The following XRCC5 variants were observed in gnomAD, a reference collection of about 807,000 sequenced individuals.
XRCC5 encodes X-ray repair cross complementing 5, also known as DNA repair protein Ku80.
Under a neutral mutation model 95.7 loss-of-function variants are expected in XRCC5, and 12 were observed. The ratio of observed to expected loss-of-function variants is 0.13; its 90% CI spans 0.08 to 0.20. The LOEUF (loss-of-function observed/expected upper bound fraction) is 0.20, where lower values mean the gene tolerates loss of function less well. XRCC5 is among the 10% of genes least tolerant of loss of function. XRCC5 has a pLI of 1.00. For synonymous variants in XRCC5, 281 were observed against 290.3 expected (o/e 0.97, Z 0.33); for missense variants, 595 against 873.9 (o/e 0.68, Z 4.02).
intron 16 of XRCC5, among the ~76,000 whole-genome samples, chr2:216,173,217 C>CT (rs1258348378): frequency 9.9e-5 from 15 of 150,766 alleles, no homozygotes; most frequent in African/African-American, 2.7e-4. Context: ...GTTTTTCTTT[C>CT]TTTTTTTTTA....
chr2:216,200,249 G>A (rs1419044403), intron 19 of XRCC5, among the ~76,000 whole-genome samples: 1 of 152,142 alleles, frequency 6.6e-6, no homozygotes, highest in African/African-American at 2.4e-5. Flanking sequence ...TTTTTCAAGA[G>A]TACATCTGGT....
At chr2:216,176,861 G>A (rs1026720560) in intron 16 of XRCC5, among the ~76,000 whole-genome samples, 1 of 152,142 alleles carries the variant, frequency 6.6e-6, no homozygotes, top group African/African-American at 2.4e-5. Flanking sequence ...CTGCTAAGCA[G>A]TTTTTTAGCT....
At chr2:216,199,808 A>ATTTTTTTTTTTTT (rs879564899) in intron 19 of XRCC5, among the ~76,000 whole-genome samples, 2 of 121,890 alleles carry the variant, frequency 1.6e-5, no homozygotes, top group Non-Finnish European at 3.3e-5. Flanking sequence ...TGGCATTGGG[A>ATTTTTTTTTTTTT]TCTTTTTTTT....
At chr2:216,132,249 AT>A in intron 9 of XRCC5, 75 bp from the exon 10 acceptor site, 1 of 1,401,460 alleles carries the variant, frequency 7.1e-7, no homozygotes, top group Admixed American at 1.8e-5. Flanking sequence ...TTTGAATGGA[AT>A]TTCTTGGCAA....
At chr2:216,171,042 C>G (rs1689155826) in intron 16 of XRCC5, among the ~76,000 whole-genome samples, 1 of 152,192 alleles carries the variant, frequency 6.6e-6, no homozygotes, top group Admixed American at 6.5e-5. Flanking sequence ...CTGCTTTAAT[C>G]AATGACTTGA....
intron 1 of XRCC5, among the ~76,000 whole-genome samples, chr2:216,110,288 A>G (rs1484082835): frequency 6.6e-6 from 1 of 152,164 alleles, no homozygotes; most frequent in Admixed American, 6.5e-5. Flanking sequence ...TTGTCTCTGA[A>G]GGGTCACTAG....
rs1489869312 is a variant in XRCC5, at chr2:216,205,218, G to A, written c.*16G>A. The A allele has an allele frequency of 6.2e-7, 1 of 1,613,796 alleles. No homozygotes were observed. The highest frequency in any genetic ancestry group is 1.1e-5 in the South Asian group (1 of 91,078). On this transcript the variant is annotated 3_prime_UTR_variant, in exon 21 of 21. Transcript: ENST00000392132. ...CATGATATAGGTCGTGGATGTATGG[G>A]GAATCTAAGAGAGCTGCCATCGCTG...
At chr2:216,115,213 G>T (rs1696671013) in intron 2 of XRCC5, among the ~76,000 whole-genome samples, 1 of 152,092 alleles carries the variant, frequency 6.6e-6, no homozygotes, top group South Asian at 2.1e-4. Flanking sequence ...AGATTACTGC[G>T]GAGTCGCCAC....
At chr2:216,187,786 GACACACACACACACACAC>G (rs149998611) in intron 16 of XRCC5, among the ~76,000 whole-genome samples, 12 of 64,542 alleles carry the variant, frequency 1.9e-4, no homozygotes, top group African/African-American at 1.2e-3. Context: ...ATGAACTCCT[GACACACACACACACACAC>G]ACACACACAC....
At position 216,167,553 on chromosome 2, in the gene XRCC5, CGTGTGTGTGTGTGGGTTTGTGTGT is replaced by C. The variant is rs1363570003; in HGVS notation, c.1834+5519_1834+5542del. On this transcript the variant is annotated intron_variant, in intron 16 of 20. Transcript: ENST00000392132. The stretch of plus-strand genomic sequence containing the variant: ...ATTGTGATCTAGCAGAAATCTCTCT[CGTGTGTGTGTGTGGGTTTGTGTGT>C]GTGTGTGTGTGTGTGTGTGTGTGTG... 3.0e-4 allele frequency among the ~76,000 whole-genome samples: 43 copies of C among 141,852 alleles called. 1 individual carries two copies. The highest frequency in any genetic ancestry group is 4.0e-4 in the Non-Finnish European group (26 of 65,652). The allele number at this position is 141,852 out of a possible 152,430, so 93.1% of individuals were successfully genotyped here. A position where few individuals can be genotyped will look rare whatever the true frequency, so the allele number is the denominator to read the frequency against.
At chr2:216,185,412 C>G (rs768003090) in intron 16 of XRCC5, among the ~76,000 whole-genome samples, 5 of 152,186 alleles carry the variant, frequency 3.3e-5, no homozygotes, top group Non-Finnish European at 7.4e-5. Flanking sequence ...TTAAAACAGA[C>G]TTTCTTATCA....
intron 2 of XRCC5, among the ~76,000 whole-genome samples, chr2:216,116,253 G>A (rs1411203047): frequency 2.0e-5 from 3 of 151,972 alleles, no homozygotes; most frequent in African/African-American, 7.3e-5. Context: ...AAATTGCTGG[G>A]ATATAGGCTA....
intron 5 of XRCC5, among the ~76,000 whole-genome samples, chr2:216,121,051 TCTA>T (rs1696798550): frequency 6.6e-6 from 1 of 152,194 alleles, no homozygotes; most frequent in African/African-American, 2.4e-5. Flanking sequence ...TTTAGTTTCT[TCTA>T]CTGACTACTG....
At chr2:216,163,913 G>T (rs1689002305) in intron 16 of XRCC5, among the ~76,000 whole-genome samples, 1 of 152,296 alleles carries the variant, frequency 6.6e-6, no homozygotes, top group African/African-American at 2.4e-5. Context: ...TTTTTGTCCT[G>T]CTAAAAGTTG....
chr2:216,143,111 C>T (rs530610509), intron 13 of XRCC5, among the ~76,000 whole-genome samples: 1 of 152,296 alleles, frequency 6.6e-6, no homozygotes, highest in East Asian at 1.9e-4. Flanking sequence ...GTTGTCTACC[C>T]TTGGGAGCTG....
In XRCC5 at chr2:216,119,081, C is replaced by G. The variant is rs1363052937; in HGVS notation, c.407C>G (p.Thr136Ser). The change falls in exon 5 of 21, where the codon ACT becomes AGT. Residue 136 changes from threonine (T) to serine (S), a missense_variant. By Grantham distance (58) the Thr-to-Ser change is moderately conservative (BLOSUM62 1). Transcript: ENST00000392132. ...GAGAAGAGGCATATTGAAATATTCA[C>G]TGACCTCAGCAGCCGATTCAGCAAA... ...KFEKRHIEIF[T>S]DLSSRFSKSQ... 2 of 1,613,986 alleles carry G rather than the reference C, an allele frequency of 1.2e-6. No homozygotes were observed. The highest frequency in any genetic ancestry group is 1.7e-6 in the Non-Finnish European group (2 of 1,179,976).
At chr2:216,162,074 AGAAGCTGTTTAGTTAAGC>A in intron 16 of XRCC5, 26 bp downstream of exon 16, 1 of 1,603,950 alleles carries the variant, frequency 6.2e-7, no homozygotes, top group Middle Eastern at 1.7e-4. Context: ...TGCATTTAGG[AGAAGCTGTTTAGTTAAGC>A]TAACTAATTT....
At chr2:216,160,974 A>G (rs1012820102) in intron 15 of XRCC5, among the ~76,000 whole-genome samples, 3 of 152,150 alleles carry the variant, frequency 2.0e-5, no homozygotes, top group African/African-American at 7.2e-5. Flanking sequence ...GATTATAGTC[A>G]TGAGTCACTG....
intron 16 of XRCC5, 72 bp downstream of exon 16, chr2:216,162,120 C>G (rs1688964610): frequency 7.1e-7 from 1 of 1,399,224 alleles, no homozygotes; most frequent in Non-Finnish European, 1.0e-6. Context: ...AGATTAAGAA[C>G]TGTAGCCTTT....
Sources: gnomAD v4.1 joint callset for allele counts (sites outside exome capture counted in the v4.1 genomes callset) on GRCh38, gnomAD v4.1.1 for gene constraint, MANE v1.5 for transcripts, NCBI Gene and HGNC (gene_info 2026-07-23, HGNC 2026-07-21) for gene names.